The following MALRD1 variants were observed in gnomAD, a reference collection of about 807,000 sequenced individuals.
MALRD1 encodes MAM and LDL receptor class A domain containing 1.
In MALRD1, 247 loss-of-function variants were observed where a neutral mutation model predicts 242.1. The observed-to-expected ratio is 1.02, with a 90% CI of 0.92 to 1.13. The LOEUF is 1.13. Ranked by LOEUF, MALRD1 falls within the 50% of genes most tolerant of loss-of-function variation. The pLI, the probability that MALRD1 is intolerant of heterozygous loss-of-function variation, is 0.00. For synonymous variants in MALRD1, 995 were observed against 866.6 expected (o/e 1.15, Z -2.60); for missense variants, 2,989 against 2,533.1 (o/e 1.18, Z -3.86).
Position 19,692,283 on chromosome 10 carries a change from T to G in MALRD1, c.6139T>G (p.Cys2047Gly). Residue 2047 changes from cysteine to glycine, a missense_variant and splice_region_variant, in exon 37 of 40, where the codon TGT becomes GGT. By Grantham distance (159) the Cys-to-Gly change is radical (BLOSUM62 -3). Transcript: ENST00000454679. Reference protein sequence around the residue: ...VVEKNGPMCRCRQGWKGNRCH... With the variant: ...VVEKNGPMCRGRQGWKGNRCH... ...TATTTTATTTTATCTCCTTTCCAGATGTAGACAAGGCTGGAAAGGAAATCG... is the reference window on the plus strand; with the variant it reads ...TATTTTATTTTATCTCCTTTCCAGAGGTAGACAAGGCTGGAAAGGAAATCG... 6.5e-7 allele frequency: 1 copy of G among 1,532,814 alleles called. No homozygotes were observed. The highest frequency in any genetic ancestry group is 8.7e-7 in the Non-Finnish European group (1 of 1,144,594). 95.0% of individuals were successfully genotyped at this position (1,532,814 alleles called of 1,614,324 possible).
chr10:19,477,643 A>G (rs998156799), intron 29 of MALRD1, among the ~76,000 whole-genome samples: 1 of 152,156 alleles, frequency 6.6e-6, no homozygotes, highest in Non-Finnish European at 1.5e-5. Context: ...AGGAGAAAAA[A>G]GAATAGCGCT....
At chr10:19,300,659 A>T (rs1841909367) in intron 21 of MALRD1, among the ~76,000 whole-genome samples, 1 of 151,882 alleles carries the variant, frequency 6.6e-6, no homozygotes, top group South Asian at 2.1e-4. Context: ...CTAGATATAC[A>T]CAGAAGATTG....
In MALRD1 at chr10:19,062,765, A is replaced by G. The variant is rs182566207; in HGVS notation, c.200-3954A>G. Among the ~76,000 whole-genome samples the G allele has an allele frequency of 2.6e-3, 399 of 152,254 alleles. 3 individuals are homozygous for G. Among genetic ancestry groups the G allele is most frequent in the African/African-American group, 9.1e-3 (379 of 41,552 alleles). On this transcript the variant is annotated intron_variant, in intron 1 of 39. Transcript: ENST00000454679. ...TGGAAAGGTGGTGTTTAATGGGTAC[A>G]AATTTCAGTTTTGCAAGATGGAATG...
intron 26 of MALRD1, among the ~76,000 whole-genome samples, chr10:19,384,191 G>A (rs1378054187): frequency 2.0e-5 from 3 of 148,432 alleles, no homozygotes; most frequent in Non-Finnish European, 4.4e-5. Context: ...AATGTCTTCT[G>A]CCAATTTTTA....
At chr10:19,476,639 G>T (rs187864681) in intron 29 of MALRD1, among the ~76,000 whole-genome samples, 1 of 152,180 alleles carries the variant, frequency 6.6e-6, no homozygotes, top group Non-Finnish European at 1.5e-5. Context: ...TGAGGTATTT[G>T]TATGTGAATA....
At chr10:19,645,030 C>T (rs1840583371) in intron 36 of MALRD1, among the ~76,000 whole-genome samples, 1 of 152,066 alleles carries the variant, frequency 6.6e-6, no homozygotes, top group Non-Finnish European at 1.5e-5. Context: ...CACATTAATT[C>T]AAATTCAAAG....
chr10:19,271,273 A>G (rs574460839), intron 19 of MALRD1, among the ~76,000 whole-genome samples: 1 of 152,238 alleles, frequency 6.6e-6, no homozygotes, highest in Non-Finnish European at 1.5e-5. Flanking sequence ...GAATTACAAT[A>G]TACACATTAA....
chr10:19,235,616 G>GCA (rs1352451480), intron 18 of MALRD1, among the ~76,000 whole-genome samples: 1 of 147,164 alleles, frequency 6.8e-6, no homozygotes, highest in African/African-American at 2.5e-5. Context: ...GAGAGAGAGC[G>GCA]CCTAGGTAAG....
chr10:19,179,398 C>T (rs1262721819), intron 14 of MALRD1, among the ~76,000 whole-genome samples: 1 of 152,062 alleles, frequency 6.6e-6, no homozygotes, highest in African/African-American at 2.4e-5. Context: ...GCCTGTAATC[C>T]CAGCACTTTG....
intron 28 of MALRD1, among the ~76,000 whole-genome samples, chr10:19,434,513 A>G (rs1834270820): frequency 1.3e-5 from 2 of 152,012 alleles, no homozygotes; most frequent in Non-Finnish European, 2.9e-5. Context: ...TTTGCAGTTT[A>G]AAGAATATAA....
At chr10:19,371,266 A>G (rs865888087) in intron 26 of MALRD1, among the ~76,000 whole-genome samples, 1 of 152,038 alleles carries the variant, frequency 6.6e-6, no homozygotes, top group Non-Finnish European at 1.5e-5. Context: ...ACAAAAGAAA[A>G]GAAGAAAAAC....
At chr10:19,538,208 A>G (rs1815703105) in intron 32 of MALRD1, among the ~76,000 whole-genome samples, 1 of 152,200 alleles carries the variant, frequency 6.6e-6, no homozygotes, top group Admixed American at 6.5e-5. Flanking sequence ...TTCAAAGTAG[A>G]GGGCTGCATA....
rs907847851 is a variant in MALRD1 at position 19,595,301 on chromosome 10, A to G, written c.5788A>G (p.Ile1930Val). 2.6e-6 allele frequency: 4 copies of G among 1,550,840 alleles called. No individual in the cohort carries two copies. The East Asian group carries it at 7.3e-5, about 28-fold the overall frequency. Residue 1930 changes from isoleucine (I) to valine (V), a missense_variant, in exon 34 of 40, where the codon ATA becomes GTA. Physicochemically the swap from Ile to Val is conservative, Grantham distance 29 (BLOSUM62 3). Transcript: ENST00000454679. ...GAAATGTGATGGACATGAAGACTGC[A>G]TAGATGGATCTGATGAAATGGATTG... is the stretch of plus-strand genomic sequence containing the variant. Reference protein sequence around the residue: ...SGKCDGHEDCIDGSDEMDCPL... With the variant: ...SGKCDGHEDCVDGSDEMDCPL...
chr10:19,398,513 A>G (rs1186826413), intron 28 of MALRD1, among the ~76,000 whole-genome samples: 1 of 152,144 alleles, frequency 6.6e-6, no homozygotes, highest in African/African-American at 2.4e-5. Context: ...TAAAATATCT[A>G]CCATTACTAT....
intron 18 of MALRD1, among the ~76,000 whole-genome samples, chr10:19,227,088 T>A (rs983739919): frequency 5.9e-5 from 9 of 151,948 alleles, no homozygotes; most frequent in Admixed American, 4.6e-4. Context: ...GAAACTGATC[T>A]CCAGATTTGG....
rs34790120 is a variant in MALRD1 at position 19,182,324 on chromosome 10, A to ATTTTTTTT, written c.1951+7013_1951+7020dup. Among the ~76,000 whole-genome samples, 107 of 81,960 alleles carry ATTTTTTTT rather than the reference A, an allele frequency of 1.3e-3. 4 individuals are homozygous for ATTTTTTTT. Among genetic ancestry groups the ATTTTTTTT allele is most frequent in the Non-Finnish European group, 2.0e-3 (89 of 45,612 alleles). The allele number at this position is 81,960 out of a possible 152,430, so 53.8% of individuals were successfully genotyped here. On this transcript the variant is annotated intron_variant, in intron 14 of 39. Transcript: ENST00000454679. ...AACACAGTCTGCCTCCAAAACCTAC[A>ATTTTTTTT]TTTTTTTTTTTTTTTTTTTTTTTTG... is the stretch of plus-strand genomic sequence containing the variant.
intron 33 of MALRD1, among the ~76,000 whole-genome samples, chr10:19,576,476 C>T (rs896662921): frequency 2.6e-5 from 4 of 152,030 alleles, no homozygotes; most frequent in South Asian, 2.1e-4. Flanking sequence ...TGTATACTTT[C>T]GTGTTGTATA....
At chr10:19,483,000 C>T (rs577311217) in intron 29 of MALRD1, among the ~76,000 whole-genome samples, 18 of 151,694 alleles carry the variant, frequency 1.2e-4, no homozygotes, top group Non-Finnish European at 2.7e-4. Context: ...ATCCTGAGCA[C>T]AAAGAACAAA....
At chr10:19,505,508 C>G (rs1833081451) in intron 31 of MALRD1, among the ~76,000 whole-genome samples, 2 of 152,158 alleles carry the variant, frequency 1.3e-5, no homozygotes, top group Non-Finnish European at 2.9e-5. Flanking sequence ...CAGGAGAAAT[C>G]AGATCTCCTG....
Sources: allele counts gnomAD v4.1 joint callset (sites outside exome capture counted in the v4.1 genomes callset), GRCh38; gene constraint gnomAD v4.1.1; transcripts MANE v1.5; gene names NCBI Gene and HGNC (gene_info 2026-07-23, HGNC 2026-07-21).